DDX60: variants seen among roughly 807,000 people sequenced by gnomAD.
DDX60 encodes the protein DExD/H-box helicase 60, also known as probable ATP-dependent RNA helicase DDX60.
Under a neutral mutation model 212.8 loss-of-function variants are expected in DDX60, and 165 were observed. The ratio of observed to expected loss-of-function variants is 0.78; its 90% CI spans 0.68 to 0.88. The LOEUF is 0.88. DDX60 is among the 40% of genes least tolerant of loss of function. The pLI, the probability that DDX60 is intolerant of heterozygous loss-of-function variation, is 0.00. For missense variants in DDX60, 1,905 were observed against 2,003.9 expected, an observed-to-expected ratio of 0.95 and a Z score of 0.94; for synonymous variants, 703 against 685.3, an observed-to-expected ratio of 1.03 and a Z score of -0.40.
chr4:168,290,372 A>G (rs1334684384), intron 8 of DDX60, among the ~76,000 whole-genome samples: 1 of 139,046 alleles, frequency 7.2e-6, no homozygotes, highest in East Asian at 2.1e-4. Flanking sequence ...TCTGTCACCC[A>G]GGCTGGAGTA....
intron 30 of DDX60, among the ~76,000 whole-genome samples, chr4:168,241,558 G>A (rs186798445): frequency 1.6e-4 from 24 of 152,256 alleles, no homozygotes; most frequent in African/African-American, 5.1e-4. Flanking sequence ...GCAAAAAGAC[G>A]GGCAGCATTT....
chr4:168,268,683 T>G (rs1734955971), intron 20 of DDX60, among the ~76,000 whole-genome samples, 171 bp downstream of exon 20: 1 of 152,140 alleles, frequency 6.6e-6, no homozygotes, highest in Non-Finnish European at 1.5e-5. Context: ...AGGGTGGCTT[T>G]CCTCAACTAC....
At chr4:168,257,313 CA>C (rs201007972) in intron 25 of DDX60, among the ~76,000 whole-genome samples, 3,375 of 142,498 alleles carry the variant, frequency 0.024, 202 homozygotes, top group East Asian at 0.15. Flanking sequence ...CATCGCCCTT[CA>C]AAAAAAAAAA....
At chr4:168,315,203 T>C (rs1737311345) in intron 1 of DDX60, among the ~76,000 whole-genome samples, 1 of 152,204 alleles carries the variant, frequency 6.6e-6, no homozygotes, top group Non-Finnish European at 1.5e-5. Context: ...TATGAACTGA[T>C]GGATACGAAT....
chr4:168,276,793 A>T lies in DDX60; in HGVS notation c.1979-612T>A, dbSNP rs193236640. ...TATATTTCACCTATTTAACAATATT[A>T]ACTAACACCTACTGAATACAGTAAG... On this transcript the variant is annotated intron_variant, in intron 14 of 37. Coordinates refer to ENST00000393743, the MANE Select transcript of DDX60 (RefSeq NM_017631.6). 5.6e-3 allele frequency among the ~76,000 whole-genome samples: 859 copies of T among 152,358 alleles called. 7 individuals are homozygous for T. The highest frequency in any genetic ancestry group is 0.02 in the African/African-American group (815 of 41,582).
At chr4:168,262,645 T>A (rs939623529) in intron 23 of DDX60, 38 bp downstream of exon 23, 1 of 1,343,910 alleles carries the variant, frequency 7.4e-7, no homozygotes, top group African/African-American at 1.5e-5. Flanking sequence ...AATATTATCA[T>A]CCTCTATAAT....
rs142270706 is a variant in DDX60, at chr4:168,262,008, C to T, written c.3265G>A (p.Val1089Ile). Reference protein sequence around the residue: ...ELTSWIKNGNVEQARMVLQNL... With the variant: ...ELTSWIKNGNIEQARMVLQNL... ...AAGCGTATGAAAATTACCTGCTCTA[C>T]GTTGCCATTTTTAATCCAACTTGTT... Residue 1089 changes from valine (V) to isoleucine (I), a missense_variant, in exon 24 of 38, where the codon GTA becomes ATA. Physicochemically the swap from Val to Ile is conservative, Grantham distance 29. Coordinates refer to ENST00000393743, the MANE Select transcript of DDX60 (RefSeq NM_017631.6). 2.6e-5 allele frequency: 41 copies of T among 1,593,220 alleles called. No homozygotes were observed. In the African/African-American group the frequency reaches 3.1e-4, roughly 12 times the overall value.
intron 30 of DDX60, among the ~76,000 whole-genome samples, chr4:168,242,355 G>A (rs940944310): frequency 2.6e-5 from 4 of 152,162 alleles, no homozygotes; most frequent in East Asian, 1.9e-4. Context: ...GACAGCTTGC[G>A]CTGTGTGCCC....
chr4:168,296,616 A>T (rs1277315683), intron 6 of DDX60, among the ~76,000 whole-genome samples: 1 of 152,124 alleles, frequency 6.6e-6, no homozygotes, highest in East Asian at 1.9e-4. Flanking sequence ...AATTATATTA[A>T]ATTAATTGGA....
intron 33 of DDX60, among the ~76,000 whole-genome samples, chr4:168,230,072 T>C (rs1392034065): frequency 6.6e-6 from 1 of 152,048 alleles, no homozygotes; most frequent in African/African-American, 2.4e-5. Flanking sequence ...GGAGTAGCTA[T>C]TTTTATATCA....
At chr4:168,314,679 T>C (rs547948) in intron 1 of DDX60, among the ~76,000 whole-genome samples, 4 of 152,038 alleles carry the variant, frequency 2.6e-5, no homozygotes, top group African/African-American at 9.7e-5. Flanking sequence ...GACAAAGAGA[T>C]GAAAAAATTC....
intron 8 of DDX60, 68 bp from the exon 9 acceptor site, chr4:168,288,383 T>A: frequency 1.7e-6 from 2 of 1,146,606 alleles, no homozygotes; most frequent in Non-Finnish European, 2.5e-6. Flanking sequence ...AGGGTTCATA[T>A]GCTTCTGAAC....
rs6552559 is a variant in DDX60, at chr4:168,237,320, T to A, written c.4377A>T (p.Gly1459=). 50 of 1,584,942 alleles carry A rather than the reference T, an allele frequency of 3.2e-5. No individual in the cohort carries two copies. The highest frequency in any genetic ancestry group is 4.2e-5 in the Non-Finnish European group (49 of 1,166,124). The change falls in exon 32 of 38, where the codon GGA becomes GGT. Residue 1459 remains glycine (G), a synonymous_variant. Transcript: ENST00000393743. ...TTGGCTGACAGAGATCATGGAAGAG[T>A]CCATTTACAAGAAAACTGACAAAAA... The part of the protein sequence containing the change: ...NLVFVSFLVN[G]LFHDLCQPTR...
chr4:168,285,407 C>G lies in DDX60; in HGVS notation c.1431G>C (p.Leu477Phe). 1 of 1,609,088 alleles carries G rather than the reference C, an allele frequency of 6.2e-7. No homozygotes were observed. The highest frequency in any genetic ancestry group is 8.5e-7 in the Non-Finnish European group (1 of 1,177,966). Residue 477 changes from leucine to phenylalanine, a missense_variant, in exon 11 of 38, where the codon TTG becomes TTC. Coordinates refer to ENST00000393743, the MANE Select transcript of DDX60 (RefSeq NM_017631.6). ...DKFAGDILKD[L>F]PFLKSDDPIV... is the part of the protein sequence containing the mutation. The stretch of plus-strand genomic sequence containing the variant: ...TGGCCTTATACCTCTTTAGAAAAGG[C>G]AAATCTTTCAAAATATCTCCAGCAA...
At chr4:168,228,533 C>T (rs1304636866) in intron 33 of DDX60, among the ~76,000 whole-genome samples, 1 of 151,864 alleles carries the variant, frequency 6.6e-6, no homozygotes, top group East Asian at 1.9e-4. Flanking sequence ...AGTCTTTTAG[C>T]TGTTACCCCA....
At chr4:168,319,381 A>T (rs1737545291), upstream of DDX60, among the ~76,000 whole-genome samples, 1 of 152,192 alleles carries the variant, frequency 6.6e-6, no homozygotes, top group Non-Finnish European at 1.5e-5. Context: ...GTGGAATCTG[A>T]AACCCCACAA....
At position 168,224,132 on chromosome 4, in the gene DDX60, T is replaced by G. The variant is rs1381369008; in HGVS notation, c.4824+111A>C. On this transcript the variant is annotated intron_variant, in intron 35 of 37. Transcript: ENST00000393743. ...ATATATCTGTTGATACACCCAGATTTTTTTTTTCCTTTTTAAGCTGGGAAA... is the reference window on the plus strand; with the variant it reads ...ATATATCTGTTGATACACCCAGATTGTTTTTTTCCTTTTTAAGCTGGGAAA... The G allele has an allele frequency of 1.4e-5, 16 of 1,177,358 alleles. 1 individual carries two copies. The Admixed American group carries it at 1.4e-4, about 10-fold the overall frequency. 72.9% of individuals were successfully genotyped at this position (1,177,358 alleles called of 1,614,324 possible). A position where few individuals can be genotyped will look rare whatever the true frequency, so the allele number is the denominator to read the frequency against.
At position 168,302,411 on chromosome 4, in the gene DDX60, C is replaced by T. The variant is rs1291774103; in HGVS notation, c.612G>A (p.Lys204=). The T allele has an allele frequency of 1.4e-6, 2 of 1,430,622 alleles. No homozygotes were observed. Among genetic ancestry groups the T allele is most frequent in the African/African-American group, 1.5e-5 (1 of 68,462 alleles). The allele number at this position is 1,430,622 out of a possible 1,614,324, so 88.6% of individuals were successfully genotyped here. ...TTGTATAAGCATCTTTAATGTTCTG[C>T]TTATTCTGTAAAATAAAGAAAAATC... ...YRHQIFSWKN[K]QNIKDAYTTL... The change falls in exon 6 of 38, where the codon AAG becomes AAA. Residue 204 remains lysine, a synonymous_variant. Transcript: ENST00000393743.
Position 168,274,996 on chromosome 4 carries a change from C to T in DDX60, c.2304+349G>A, listed in dbSNP as rs186029018. Among the ~76,000 whole-genome samples the T allele has an allele frequency of 5.7e-3, 861 of 152,238 alleles. 8 individuals carry two copies. Among genetic ancestry groups the T allele is most frequent in the African/African-American group, 0.02 (817 of 41,532 alleles). On this transcript the variant is annotated intron_variant, in intron 16 of 37. Coordinates refer to ENST00000393743, the MANE Select transcript of DDX60 (RefSeq NM_017631.6). ...TAAACAATTGTCCCTACTATTTAAA[C>T]TATCCAAATTTCTCTATGCACTTTA...
Sources: allele counts gnomAD v4.1 joint callset (sites outside exome capture counted in the v4.1 genomes callset), GRCh38; gene constraint gnomAD v4.1.1; transcripts MANE v1.5; gene names NCBI Gene and HGNC (gene_info 2026-07-23, HGNC 2026-07-21).